PPP1R9A: variants seen among roughly 807,000 people sequenced by gnomAD.
The protein encoded by PPP1R9A is neurabin-1.
Under a neutral mutation model 141.9 loss-of-function variants are expected in PPP1R9A, and 59 were observed. The observed-to-expected ratio is 0.42, with a 90% CI of 0.34 to 0.52. The LOEUF (loss-of-function observed/expected upper bound fraction) is 0.52. Among genes scored for constraint, PPP1R9A ranks in the 20% least tolerant of loss-of-function variants. The pLI, the probability that PPP1R9A is intolerant of heterozygous loss-of-function variation, is 0.10. For missense variants in PPP1R9A, 1,444 were observed against 1,611.9 expected, an observed-to-expected ratio of 0.90 and a Z score of 1.78; for synonymous variants, 500 against 569.7, an observed-to-expected ratio of 0.88 and a Z score of 1.74.
intron 2 of PPP1R9A, among the ~76,000 whole-genome samples, chr7:94,962,584 A>G (rs1797753176): frequency 6.6e-6 from 1 of 152,016 alleles, no homozygotes. Context: ...GGAAAACATC[A>G]GGAGTTCTAT....
At chr7:95,032,552 G>C (rs1807839337) in intron 2 of PPP1R9A, among the ~76,000 whole-genome samples, 1 of 151,996 alleles carries the variant, frequency 6.6e-6, no homozygotes, top group African/African-American at 2.4e-5. Context: ...CCACTTCCCT[G>C]TAACCTTCTC....
intron 2 of PPP1R9A, chr7:95,108,822 A>G (rs116544847): frequency 3.3e-5 from 5 of 152,274 alleles, no homozygotes; most frequent in African/African-American, 9.6e-5. Flanking sequence ...GTTATTTCAT[A>G]CTTACTTTAT....
rs761328436 is a variant in PPP1R9A, at chr7:95,269,313, C to T, written c.2930C>T (p.Pro977Leu). Residue 977 changes from proline (P) to leucine (L), a missense_variant, in exon 14 of 20, where the codon CCG becomes CTG. Transcript: ENST00000433360. Reference sequence around the variant, plus strand: ...GATTCTGGTGTTCCACCCCTCACCCCGGTGGATAGCAATGTGCCCTTCTCG... The same window carrying T: ...GATTCTGGTGTTCCACCCCTCACCCTGGTGGATAGCAATGTGCCCTTCTCG... ...ESDSGVPPLT[P>L]VDSNVPFSSD... 104 of 1,597,896 alleles carry T rather than the reference C, an allele frequency of 6.5e-5. No individual in the cohort carries two copies. Among genetic ancestry groups the T allele is most frequent in the East Asian group, 2.5e-4 (11 of 44,808 alleles).
chr7:94,957,006 T>G (rs1346878272), intron 2 of PPP1R9A, among the ~76,000 whole-genome samples: 1 of 152,186 alleles, frequency 6.6e-6, no homozygotes, highest in Non-Finnish European at 1.5e-5. Flanking sequence ...AAATAAAGTG[T>G]TAAACATCAA....
chr7:95,154,186 A>G (rs765281755), intron 4 of PPP1R9A, among the ~76,000 whole-genome samples: 2 of 151,746 alleles, frequency 1.3e-5, no homozygotes, highest in South Asian at 2.1e-4. Context: ...TGCATTTGCT[A>G]TCTACCATAG....
intron 7 of PPP1R9A, among the ~76,000 whole-genome samples, chr7:95,212,201 C>T (rs1792277648): frequency 6.6e-6 from 1 of 152,014 alleles, no homozygotes; most frequent in Non-Finnish European, 1.5e-5. Flanking sequence ...TTTATTGATG[C>T]ATAAGATATA....
chr7:95,260,777 G>A (rs1374644523), intron 12 of PPP1R9A, among the ~76,000 whole-genome samples: 1 of 152,002 alleles, frequency 6.6e-6, no homozygotes, highest in Non-Finnish European at 1.5e-5. Flanking sequence ...GGAAAAGTGG[G>A]CTACTTTGTT....
intron 4 of PPP1R9A, chr7:95,155,440 C>T (rs1240554258): frequency 6.6e-6 from 1 of 152,184 alleles, no homozygotes; most frequent in Non-Finnish European, 1.5e-5. Context: ...ATTCTCCCAC[C>T]TTGGCCTCCC....
chr7:95,241,743 A>G (rs1398912740), intron 8 of PPP1R9A, among the ~76,000 whole-genome samples: 1 of 152,152 alleles, frequency 6.6e-6, no homozygotes, highest in Non-Finnish European at 1.5e-5. Context: ...ATTTAATTCT[A>G]TGAAAAAGAA....
At chr7:95,206,267 C>T (rs1387391294) in intron 7 of PPP1R9A, among the ~76,000 whole-genome samples, 1 of 152,048 alleles carries the variant, frequency 6.6e-6, no homozygotes, top group African/African-American at 2.4e-5. Context: ...GGTAAAGCTG[C>T]TTTATCATGG....
At chr7:95,124,752 A>G (rs1823257293) in intron 4 of PPP1R9A, among the ~76,000 whole-genome samples, 1 of 152,032 alleles carries the variant, frequency 6.6e-6, no homozygotes. Context: ...TTCAATTTAA[A>G]CTCAGATTTA....
At chr7:95,223,118 A>G (rs747881836) in intron 7 of PPP1R9A, among the ~76,000 whole-genome samples, 1 of 151,996 alleles carries the variant, frequency 6.6e-6, no homozygotes, top group African/African-American at 2.4e-5. Flanking sequence ...ACAGCAAAAG[A>G]CATATTTGTC....
intron 1 of PPP1R9A, chr7:94,908,368 A>AT (rs906549416): frequency 2.6e-5 from 4 of 151,726 alleles, no homozygotes; most frequent in Non-Finnish European, 4.4e-5. Flanking sequence ...TTTCTTTTCT[A>AT]TTTTTTTAAA....
At chr7:95,050,160 TA>T (rs1187120049) in intron 2 of PPP1R9A, among the ~76,000 whole-genome samples, 1 of 152,192 alleles carries the variant, frequency 6.6e-6, no homozygotes, top group Non-Finnish European at 1.5e-5. Flanking sequence ...GTATTGTTAG[TA>T]TTTTGGATTT....
intron 2 of PPP1R9A, among the ~76,000 whole-genome samples, chr7:95,077,199 ACTT>A (rs1178123412): frequency 6.6e-6 from 1 of 151,994 alleles, no homozygotes; most frequent in Non-Finnish European, 1.5e-5. Context: ...AATTATATCA[ACTT>A]CTTTTTATTT....
intron 16 of PPP1R9A, among the ~76,000 whole-genome samples, chr7:95,279,806 T>G (rs1803829158): frequency 6.6e-6 from 1 of 152,228 alleles, no homozygotes; most frequent in Non-Finnish European, 1.5e-5. Flanking sequence ...CAGATTTCTA[T>G]TCATACAAAT....
At chr7:94,971,454 T>A (rs1248937307) in intron 2 of PPP1R9A, among the ~76,000 whole-genome samples, 1 of 152,234 alleles carries the variant, frequency 6.6e-6, no homozygotes, top group African/African-American at 2.4e-5. Context: ...AGTTATTTTC[T>A]CATTGCAAAA....
chr7:95,208,732 A>C lies in PPP1R9A; in HGVS notation c.1956+5002A>C, dbSNP rs149871946. On this transcript the variant is annotated intron_variant, in intron 7 of 19. Transcript: ENST00000433360. The stretch of plus-strand genomic sequence containing the variant: ...GAGCGAGACTCTGTCTCAAAAAAAA[A>C]ATAAATAAATAAAAATAAATGTTTC... 2.4e-3 allele frequency among the ~76,000 whole-genome samples: 366 copies of C among 152,110 alleles called. 2 individuals are homozygous for C. Among genetic ancestry groups the C allele is most frequent in the African/African-American group, 8.5e-3 (352 of 41,542 alleles).
chr7:95,140,472 C>G (rs1187967134), intron 4 of PPP1R9A, among the ~76,000 whole-genome samples: 1 of 152,110 alleles, frequency 6.6e-6, no homozygotes, highest in African/African-American at 2.4e-5. Flanking sequence ...CTCACTGCAG[C>G]CTTTGCCTCC....
Sources: gnomAD v4.1 joint callset for allele counts (sites outside exome capture counted in the v4.1 genomes callset) on GRCh38, gnomAD v4.1.1 for gene constraint, MANE v1.5 for transcripts, NCBI Gene and HGNC (gene_info 2026-07-23, HGNC 2026-07-21) for gene names.